Variants in PLCB1 observed in about 807,000 individuals in gnomAD.
PLCB1 encodes 1-phosphatidylinositol 4,5-bisphosphate phosphodiesterase beta-1.
Under a neutral mutation model 161.8 loss-of-function variants are expected in PLCB1, and 46 were observed. The observed-to-expected ratio is 0.28, with a 90% confidence interval of 0.22 to 0.36. The LOEUF is 0.36. Ranked by LOEUF, PLCB1 falls within the 10% of genes least tolerant of loss-of-function variation. The pLI is 1.00. For missense variants in PLCB1, 1,016 were observed against 1,472.5 expected, an observed-to-expected ratio of 0.69 and a Z score of 5.07; for synonymous variants, 517 against 503.7, an observed-to-expected ratio of 1.03 and a Z score of -0.35.
At chr20:8,378,526 AT>A (rs1209736565) in intron 3 of PLCB1, among the ~76,000 whole-genome samples, 18 of 152,354 alleles carry the variant, frequency 1.2e-4, no homozygotes, top group Admixed American at 1.1e-3. Flanking sequence ...TTGGTAAAAC[AT>A]GCTAATGATC....
intron 3 of PLCB1, among the ~76,000 whole-genome samples, chr20:8,493,723 T>C (rs35133356): frequency 0.16 from 11,150 of 71,696 alleles, 758 homozygotes; most frequent in Middle Eastern, 0.19. Context: ...CACTGGAAGC[T>C]GAACCTCAGG....
intron 2 of PLCB1, among the ~76,000 whole-genome samples, chr20:8,329,900 G>C (rs1033379040): frequency 6.6e-6 from 1 of 152,122 alleles, no homozygotes; most frequent in African/African-American, 2.4e-5. Context: ...CAGTAGAAAT[G>C]TGTATTTCTA....
At chr20:8,628,185 T>C (rs984891816) in intron 3 of PLCB1, 109 bp from the exon 4 acceptor site, 10 of 892,390 alleles carry the variant, frequency 1.1e-5, no homozygotes, top group Middle Eastern at 2.6e-4. Context: ...CTAGTAAGAA[T>C]AAAAGCAACT....
At chr20:8,243,547 T>G (rs1449241805) in intron 2 of PLCB1, among the ~76,000 whole-genome samples, 1 of 151,966 alleles carries the variant, frequency 6.6e-6, no homozygotes, top group African/African-American at 2.4e-5. Flanking sequence ...ATGGTTGTCA[T>G]CCAATGGATA....
intron 9 of PLCB1, among the ~76,000 whole-genome samples, chr20:8,665,904 T>C (rs1411482492): frequency 2.0e-5 from 3 of 152,100 alleles, no homozygotes; most frequent in African/African-American, 7.2e-5. Flanking sequence ...AGGTTCTTCA[T>C]CTGTAAAATG....
chr20:8,644,452 A>G (rs1237506915), intron 4 of PLCB1, among the ~76,000 whole-genome samples: 4 of 139,456 alleles, frequency 2.9e-5, no homozygotes, highest in South Asian at 2.4e-4. Context: ...CCGCCGCCCC[A>G]TCTGGGATGT....
intron 3 of PLCB1, among the ~76,000 whole-genome samples, chr20:8,563,871 C>T (rs183353766): frequency 9.2e-4 from 140 of 152,176 alleles, no homozygotes; most frequent in Non-Finnish European, 1.4e-3. Flanking sequence ...GAAAAACATC[C>T]CATGCTCATG....
chr20:8,733,784 T>TATAATAATAATAATA (rs199683575), intron 19 of PLCB1, among the ~76,000 whole-genome samples: 1 of 139,308 alleles, frequency 7.2e-6, no homozygotes, highest in African/African-American at 2.7e-5. Flanking sequence ...AAACTTAAAG[T>TATAATAATAATAATA]ATAATAATAA....
At chr20:8,728,878 G>T (rs1391642050) in intron 17 of PLCB1, among the ~76,000 whole-genome samples, 172 bp from the exon 18 acceptor site, 6 of 152,008 alleles carry the variant, frequency 3.9e-5, no homozygotes, top group African/African-American at 1.4e-4. Context: ...AAATGAAACA[G>T]CCTATTTAAT....
chr20:8,189,338 TATAA>T lies in PLCB1; in HGVS notation c.177+38969_177+38972del, dbSNP rs950315489. Among the ~76,000 whole-genome samples, 4 of 139,732 alleles carry T rather than the reference TATAA, an allele frequency of 2.9e-5. No individual in the cohort carries two copies. In the East Asian group the frequency reaches 6.2e-4, roughly 22 times the overall value. 91.7% of individuals were successfully genotyped at this position (139,732 alleles called of 152,430 possible). On this transcript the variant is annotated intron_variant, in intron 2 of 31. Coordinates refer to ENST00000338037, the MANE Select transcript of PLCB1 (RefSeq NM_015192.4). ...GTAACTATTTTAATATATATATATA[TATAA>T]AACATAATATCATGTTATATACCTT...
At chr20:8,656,829 C>G (rs544418721) in intron 7 of PLCB1, among the ~76,000 whole-genome samples, 1 of 149,654 alleles carries the variant, frequency 6.7e-6, no homozygotes, top group Non-Finnish European at 1.5e-5. Flanking sequence ...GTCAAACAGA[C>G]TATCTTTCCT....
At chr20:8,522,008 A>G (rs1676234634) in intron 3 of PLCB1, among the ~76,000 whole-genome samples, 1 of 152,188 alleles carries the variant, frequency 6.6e-6, no homozygotes, top group African/African-American at 2.4e-5. Flanking sequence ...GTGAGTGCTG[A>G]CACTAAAGCT....
chr20:8,377,502 A>G (rs1050579713), intron 3 of PLCB1, among the ~76,000 whole-genome samples: 7 of 152,182 alleles, frequency 4.6e-5, no homozygotes, highest in Middle Eastern at 3.2e-3. Flanking sequence ...AGTAAACTAC[A>G]AAAGAGAGAA....
At chr20:8,825,124 C>G (rs1377458246) in intron 31 of PLCB1, among the ~76,000 whole-genome samples, 1 of 152,160 alleles carries the variant, frequency 6.6e-6, no homozygotes, top group African/African-American at 2.4e-5. Flanking sequence ...ATGCCAGTGA[C>G]CAAGTTCTGG....
chr20:8,504,113 A>G (rs1020396049), intron 3 of PLCB1, among the ~76,000 whole-genome samples: 1 of 152,212 alleles, frequency 6.6e-6, no homozygotes, highest in African/African-American at 2.4e-5. Context: ...TGAGCTTGAC[A>G]GAAAAACAAT....
At chr20:8,480,994 C>A (rs1403061150) in intron 3 of PLCB1, among the ~76,000 whole-genome samples, 1 of 152,058 alleles carries the variant, frequency 6.6e-6, no homozygotes, top group Admixed American at 6.6e-5. Context: ...GTCCCACGTA[C>A]TGGGGAGGCT....
intron 4 of PLCB1, among the ~76,000 whole-genome samples, chr20:8,644,657 A>G (rs1989096560): frequency 6.6e-6 from 1 of 150,408 alleles, no homozygotes; most frequent in Non-Finnish European, 1.5e-5. Context: ...CTGTCTGGGA[A>G]GTGAGGAGCG....
chr20:8,459,196 G>A (rs752164540), intron 3 of PLCB1, among the ~76,000 whole-genome samples: 16 of 152,106 alleles, frequency 1.1e-4, no homozygotes, highest in Non-Finnish European at 1.5e-4. Context: ...ACTCATCTCC[G>A]AGGAAAAGTT....
At chr20:8,173,563 C>T (rs1278575065) in intron 2 of PLCB1, among the ~76,000 whole-genome samples, 1 of 151,872 alleles carries the variant, frequency 6.6e-6, no homozygotes, top group African/African-American at 2.4e-5. Context: ...ATTTAGTCTT[C>T]TAATATACAA....
Sources: gnomAD v4.1 joint callset for allele counts (sites outside exome capture counted in the v4.1 genomes callset) on GRCh38, gnomAD v4.1.1 for gene constraint, MANE v1.5 for transcripts, NCBI Gene and HGNC (gene_info 2026-07-23, HGNC 2026-07-21) for gene names.